Variants in ATP9B observed in about 807,000 individuals in gnomAD.
The protein encoded by ATP9B is probable phospholipid-transporting ATPase IIB.
ATP9B carries 110 observed loss-of-function variants against 146.1 expected under a neutral mutation model. The ratio of observed to expected loss-of-function variants is 0.75; its 90% CI spans 0.65 to 0.88. The LOEUF (loss-of-function observed/expected upper bound fraction) is 0.88, where lower values mean the gene tolerates loss of function less well. ATP9B is among the 40% of genes least tolerant of loss of function. The probability of loss-of-function intolerance (pLI) is 0.00; values close to 1 mark genes in which losing one functional copy is unlikely to be tolerated. For synonymous variants in ATP9B, 604 were observed against 569.7 expected (o/e 1.06, Z -0.86); for missense variants, 1,499 against 1,496.4 (o/e 1.00, Z -0.03).
intron 19 of ATP9B, among the ~76,000 whole-genome samples, chr18:79,339,294 G>A (rs2096844558): frequency 6.6e-6 from 1 of 150,926 alleles, no homozygotes; most frequent in African/African-American, 2.4e-5. Flanking sequence ...GATCGTAGTA[G>A]GAAGTATGTC....
chr18:79,071,049 C>CTTTTTTTTTTTTTTTTTTTTTT (rs746689031), intron 1 of ATP9B, among the ~76,000 whole-genome samples: 1 of 112,394 alleles, frequency 8.9e-6, no homozygotes, highest in Non-Finnish European at 1.8e-5. Context: ...ATTCCTGTTT[C>CTTTTTTTTTTTTTTTTTTTTTT]TTTTTTTTTT....
intron 11 of ATP9B, among the ~76,000 whole-genome samples, chr18:79,246,417 G>A (rs560459297): frequency 6.6e-6 from 1 of 152,352 alleles, no homozygotes; most frequent in South Asian, 2.1e-4. Context: ...CCTACTGACT[G>A]TGCACAGCAT....
chr18:79,330,794 A>G (rs2147134572), intron 17 of ATP9B, among the ~76,000 whole-genome samples: 1 of 152,378 alleles, frequency 6.6e-6, no homozygotes, highest in South Asian at 2.1e-4. Context: ...AGGTCCTTAC[A>G]AAGAATATTT....
At chr18:79,282,753 A>G (rs1041165429) in intron 13 of ATP9B, among the ~76,000 whole-genome samples, 3 of 152,134 alleles carry the variant, frequency 2.0e-5, no homozygotes, top group Non-Finnish European at 4.4e-5. Flanking sequence ...TTGTGCCTGT[A>G]GTTTCCTATC....
intron 1 of ATP9B, among the ~76,000 whole-genome samples, chr18:79,078,586 T>G (rs1304587804): frequency 6.6e-6 from 1 of 152,210 alleles, no homozygotes; most frequent in Non-Finnish European, 1.5e-5. Flanking sequence ...TAAAATTGCT[T>G]CATTTACTCA....
chr18:79,072,950 C>G (rs545086470), intron 1 of ATP9B, among the ~76,000 whole-genome samples: 3 of 149,920 alleles, frequency 2.0e-5, no homozygotes, highest in Non-Finnish European at 4.4e-5. Context: ...ACATCCCAGA[C>G]GATGGGCGGC....
intron 8 of ATP9B, among the ~76,000 whole-genome samples, chr18:79,191,528 G>T (rs995663772): frequency 9.2e-5 from 14 of 152,010 alleles, no homozygotes; most frequent in Admixed American, 9.2e-4. Context: ...ATTTTTTCCT[G>T]TGTCTTTTTG....
At chr18:79,071,167 A>G (rs941814060) in intron 1 of ATP9B, among the ~76,000 whole-genome samples, 2 of 150,752 alleles carry the variant, frequency 1.3e-5, no homozygotes, top group African/African-American at 4.9e-5. Context: ...GGGTATTACA[A>G]TATACAAATG....
chr18:79,372,938 G>A (rs971354780), intron 27 of ATP9B, 56 bp downstream of exon 27: 1 of 1,293,042 alleles, frequency 7.7e-7, no homozygotes, highest in Non-Finnish European at 1.1e-6. Context: ...TGGTCTTTTT[G>A]TTAGCAATAT....
At chr18:79,134,662 A>G in intron 5 of ATP9B, among the ~76,000 whole-genome samples, 1 of 152,118 alleles carries the variant, frequency 6.6e-6, no homozygotes, top group East Asian at 1.9e-4. Context: ...AAAAAGTTTC[A>G]TTGTTCATTT....
chr18:79,119,064 G>GT (rs2094143408), intron 4 of ATP9B, among the ~76,000 whole-genome samples: 1 of 146,190 alleles, frequency 6.8e-6, no homozygotes, highest in Non-Finnish European at 1.5e-5. Flanking sequence ...GAGCGAGACC[G>GT]TGTCTTAAAA....
intron 11 of ATP9B, among the ~76,000 whole-genome samples, chr18:79,234,782 G>A (rs77208858): frequency 0.063 from 9,636 of 152,200 alleles, 416 homozygotes; most frequent in African/African-American, 0.11. Flanking sequence ...ATCAACGGAC[G>A]GTATTTGGTT....
At chr18:79,150,887 A>T (rs2094678637) in intron 6 of ATP9B, among the ~76,000 whole-genome samples, 1 of 152,098 alleles carries the variant, frequency 6.6e-6, no homozygotes, top group South Asian at 2.1e-4. Context: ...AGGGAGGAGG[A>T]TTGCTTGGGC....
At chr18:79,208,331 GCA>G (rs1272802947) in intron 10 of ATP9B, among the ~76,000 whole-genome samples, 3 of 152,218 alleles carry the variant, frequency 2.0e-5, no homozygotes, top group African/African-American at 7.2e-5. Flanking sequence ...TAAAGAATAT[GCA>G]GATGTGGCAG....
intron 11 of ATP9B, among the ~76,000 whole-genome samples, chr18:79,217,156 G>A (rs1266470347): frequency 1.3e-5 from 2 of 152,188 alleles, no homozygotes; most frequent in African/African-American, 2.4e-5. Context: ...GTTTTCCTTA[G>A]ATTTGGTATT....
chr18:79,094,621 T>C (rs2074632760), intron 1 of ATP9B, among the ~76,000 whole-genome samples: 1 of 152,228 alleles, frequency 6.6e-6, no homozygotes, highest in Non-Finnish European at 1.5e-5. Context: ...AAAAACGTTC[T>C]GCTTTGCAAG....
At chr18:79,268,529 A>C (rs1599430529) in intron 12 of ATP9B, among the ~76,000 whole-genome samples, 1 of 152,204 alleles carries the variant, frequency 6.6e-6, no homozygotes, top group Non-Finnish European at 1.5e-5. Flanking sequence ...TTACCCTAGA[A>C]GTTAAAAACC....
intron 7 of ATP9B, among the ~76,000 whole-genome samples, chr18:79,166,822 C>T (rs527467292): frequency 2.7e-4 from 41 of 152,274 alleles, no homozygotes; most frequent in African/African-American, 9.4e-4. Context: ...CTTGGCCCAG[C>T]AGGCTTTGCT....
At chr18:79,224,862 CAGCTAGGAA>C (rs1290013387) in intron 11 of ATP9B, among the ~76,000 whole-genome samples, 3 of 152,150 alleles carry the variant, frequency 2.0e-5, no homozygotes, top group Non-Finnish European at 4.4e-5. Flanking sequence ...GTTATGGCTG[CAGCTAGGAA>C]ACACCAGTGG....
Sources: allele counts gnomAD v4.1 joint callset (sites outside exome capture counted in the v4.1 genomes callset), GRCh38; gene constraint gnomAD v4.1.1; transcripts MANE v1.5; gene names NCBI Gene and HGNC (gene_info 2026-07-23, HGNC 2026-07-21).